TNNI3K: variants seen among roughly 807,000 people sequenced by gnomAD.
TNNI3K encodes the protein serine/threonine-protein kinase TNNI3K.
A neutral mutation model predicts 114.5 loss-of-function variants in TNNI3K; 140 were observed. The ratio of observed to expected loss-of-function variants is 1.22; its 90% CI spans 1.07 to 1.41. The LOEUF (loss-of-function observed/expected upper bound fraction) is 1.41, where lower values mean the gene tolerates loss of function less well. TNNI3K is among the 40% of genes most tolerant of loss of function. The pLI is 0.00. For missense variants in TNNI3K, 1,125 were observed against 1,007.6 expected (o/e 1.12, Z -1.58); for synonymous variants, 347 against 347.5 (o/e 1.00, Z 0.02).
At chr1:74,446,003 T>C (rs1455122652) in intron 20 of TNNI3K, among the ~76,000 whole-genome samples, 2 of 152,118 alleles carry the variant, frequency 1.3e-5, no homozygotes, top group Non-Finnish European at 2.9e-5. Flanking sequence ...TAAACATACG[T>C]GTGCATGTGT....
chr1:74,332,232 G>A (rs1245566233), intron 6 of TNNI3K, among the ~76,000 whole-genome samples: 2 of 151,570 alleles, frequency 1.3e-5, no homozygotes, highest in African/African-American at 4.8e-5. Context: ...TATGGGATAG[G>A]CACTATGATA....
intron 21 of TNNI3K, among the ~76,000 whole-genome samples, chr1:74,483,550 C>T (rs1317894413): frequency 4.6e-5 from 7 of 152,186 alleles, no homozygotes; most frequent in African/African-American, 1.4e-4. Context: ...AGAATTTAAA[C>T]TGAAATGTTA....
At chr1:74,271,229 G>C (rs757271693) in intron 4 of TNNI3K, among the ~76,000 whole-genome samples, 9 of 151,786 alleles carry the variant, frequency 5.9e-5, no homozygotes, top group Non-Finnish European at 1.0e-4. Flanking sequence ...CCTTTAAACT[G>C]TTACTGTAAA....
intron 13 of TNNI3K, among the ~76,000 whole-genome samples, chr1:74,368,634 G>T (rs1478027296): frequency 6.6e-6 from 1 of 151,824 alleles, no homozygotes; most frequent in Non-Finnish European, 1.5e-5. Flanking sequence ...CTGGACTCCA[G>T]GGTTGCCATG....
chr1:74,460,409 T>C (rs1417772865), intron 20 of TNNI3K, among the ~76,000 whole-genome samples: 1 of 152,228 alleles, frequency 6.6e-6, no homozygotes, highest in African/African-American at 2.4e-5. Flanking sequence ...TTATTATTTC[T>C]ACTAAACTAT....
chr1:74,248,758 G>T (rs1654748445), intron 2 of TNNI3K, among the ~76,000 whole-genome samples: 3 of 152,212 alleles, frequency 2.0e-5, no homozygotes, highest in African/African-American at 7.2e-5. Context: ...TAGCCATAGA[G>T]ACTAGAATCC....
chr1:74,518,500 A>G (rs1646380714), intron 23 of TNNI3K, among the ~76,000 whole-genome samples: 1 of 151,884 alleles, frequency 6.6e-6, no homozygotes, highest in Non-Finnish European at 1.5e-5. Context: ...TGATTCTCCC[A>G]CCTCAATATG....
At chr1:74,524,461 CTG>C (rs952395551) in intron 23 of TNNI3K, among the ~76,000 whole-genome samples, 1 of 152,164 alleles carries the variant, frequency 6.6e-6, no homozygotes, top group Non-Finnish European at 1.5e-5. Context: ...TGGTGACTAA[CTG>C]TGGAATCTCC....
At chr1:74,432,059 T>C (rs1448855387) in intron 17 of TNNI3K, among the ~76,000 whole-genome samples, 2 of 151,848 alleles carry the variant, frequency 1.3e-5, no homozygotes, top group Non-Finnish European at 2.9e-5. Context: ...AAGATGCAAG[T>C]CTGTGTATGT....
intron 17 of TNNI3K, chr1:74,374,217 G>A (rs1343618571): frequency 1.3e-5 from 2 of 151,820 alleles, no homozygotes; most frequent in African/African-American, 4.8e-5. Flanking sequence ...GATTTAGAGG[G>A]CCAACTATAT....
At chr1:74,450,343 G>T (rs1557573924) in intron 20 of TNNI3K, among the ~76,000 whole-genome samples, 1 of 151,734 alleles carries the variant, frequency 6.6e-6, no homozygotes, top group Non-Finnish European at 1.5e-5. Flanking sequence ...ACAATGAAAA[G>T]AACTAGAAAA....
intron 11 of TNNI3K, among the ~76,000 whole-genome samples, chr1:74,360,505 A>C (rs928005640): frequency 6.6e-6 from 1 of 152,118 alleles, no homozygotes; most frequent in African/African-American, 2.4e-5. Flanking sequence ...TTAACTCATC[A>C]AATCCACATA....
chr1:74,509,062 C>T (rs1208087049), intron 23 of TNNI3K, among the ~76,000 whole-genome samples: 1 of 152,152 alleles, frequency 6.6e-6, no homozygotes, highest in Admixed American at 6.5e-5. Flanking sequence ...ATCTGAAATT[C>T]GGGATCCTTA....
chr1:74,324,956 T>C (rs1447872054), intron 5 of TNNI3K, among the ~76,000 whole-genome samples: 1 of 151,938 alleles, frequency 6.6e-6, no homozygotes, highest in Non-Finnish European at 1.5e-5. Flanking sequence ...GGAGAAACTA[T>C]AGGGAAAGGA....
intron 20 of TNNI3K, among the ~76,000 whole-genome samples, chr1:74,446,376 T>G (rs1374288708): frequency 1.3e-5 from 2 of 149,908 alleles, no homozygotes; most frequent in African/African-American, 2.5e-5. Flanking sequence ...CGCCCACTTT[T>G]TGATGGGGTT....
intron 23 of TNNI3K, among the ~76,000 whole-genome samples, chr1:74,530,557 G>A (rs1646568541): frequency 6.6e-6 from 1 of 152,110 alleles, no homozygotes; most frequent in African/African-American, 2.4e-5. Context: ...TAGAAGATCA[G>A]AATTCTAGGT....
intron 16 of TNNI3K, 77 bp downstream of exon 16, chr1:74,369,662 T>C (rs2100521234): frequency 6.9e-7 from 1 of 1,446,136 alleles, no homozygotes; most frequent in Non-Finnish European, 9.1e-7. Context: ...GGGTTTCCCA[T>C]TGGATGAGCC....
At chr1:74,433,373 C>G (rs562248548) in intron 17 of TNNI3K, among the ~76,000 whole-genome samples, 2 of 152,020 alleles carry the variant, frequency 1.3e-5, no homozygotes, top group African/African-American at 2.4e-5. Flanking sequence ...ACCCTGCCTG[C>G]CCCCCTTCAT....
intron 2 of TNNI3K, 84 bp downstream of exon 2, chr1:74,236,294 AC>A: frequency 8.4e-7 from 1 of 1,196,044 alleles, no homozygotes; most frequent in Non-Finnish European, 1.2e-6. Flanking sequence ...TATTTTTTAA[AC>A]CCGTAGAACC....
Sources: gnomAD v4.1 joint callset for allele counts (sites outside exome capture counted in the v4.1 genomes callset) on GRCh38, gnomAD v4.1.1 for gene constraint, MANE v1.5 for transcripts, NCBI Gene and HGNC (gene_info 2026-07-23, HGNC 2026-07-21) for gene names.